The following ZYG11B variants were observed in gnomAD, a reference collection of about 807,000 sequenced individuals.
ZYG11B encodes zyg-11 family member B, cell cycle regulator.
Under a neutral mutation model 82.4 loss-of-function variants are expected in ZYG11B, and 36 were observed. The observed-to-expected ratio is 0.44, with a 90% confidence interval of 0.33 to 0.58. The LOEUF (loss-of-function observed/expected upper bound fraction) is 0.58, where lower values mean the gene tolerates loss of function less well. Among genes scored for constraint, ZYG11B ranks in the 20% least tolerant of loss-of-function variants. ZYG11B has a pLI of 0.02. For missense variants in ZYG11B, 552 were observed against 895.6 expected (o/e 0.62, Z 4.90); for synonymous variants, 303 against 312.8 (o/e 0.97, Z 0.33).
At chr1:52,740,927 T>A (rs367638148) in intron 1 of ZYG11B, among the ~76,000 whole-genome samples, 2 of 146,406 alleles carry the variant, frequency 1.4e-5, no homozygotes, top group African/African-American at 2.5e-5. Context: ...CGGGGGAGGG[T>A]AAGGGATTAG....
chr1:52,747,072 A>G (rs1422521888), intron 1 of ZYG11B, among the ~76,000 whole-genome samples: 2 of 151,840 alleles, frequency 1.3e-5, no homozygotes, highest in Admixed American at 6.6e-5. Context: ...CATATACAAA[A>G]TGGTATCTAG....
chr1:52,783,805 T>TATATATATAC lies in ZYG11B; in HGVS notation c.1093-1071_1093-1070insTATATATACA, dbSNP rs74185908. Among the ~76,000 whole-genome samples the TATATATATAC allele has an allele frequency of 1.8e-3, 245 of 134,992 alleles. 3 individuals are homozygous for TATATATATAC. Among genetic ancestry groups the TATATATATAC allele is most frequent in the African/African-American group, 4.0e-3 (139 of 35,186 alleles). The allele number at this position is 134,992 out of a possible 152,430, so 88.6% of individuals were successfully genotyped here. Reference sequence around the variant, plus strand: ...GCCCAGCTTTATATATATATATATATACACACACACGTATATGTATACATA... The same window carrying TATATATATAC: ...GCCCAGCTTTATATATATATATATATATATATATACACACACACACGTATATGTATACATA... On this transcript the variant is annotated intron_variant, in intron 4 of 13. Transcript: ENST00000294353.
intron 1 of ZYG11B, among the ~76,000 whole-genome samples, chr1:52,739,632 G>GT (rs59228971): frequency 0.044 from 6,658 of 150,188 alleles, 363 homozygotes; most frequent in African/African-American, 0.12. Flanking sequence ...ATTTTAATTT[G>GT]TTTTTTTTTG....
At chr1:52,810,192 A>G (rs76586538) in intron 10 of ZYG11B, among the ~76,000 whole-genome samples, 3,814 of 152,118 alleles carry the variant, frequency 0.025, 167 homozygotes, top group African/African-American at 0.087. Context: ...CTTCCTGAGG[A>G]CTCTACCCAG....
At chr1:52,729,948 C>G (rs756041642) in intron 1 of ZYG11B, among the ~76,000 whole-genome samples, 1 of 152,024 alleles carries the variant, frequency 6.6e-6, no homozygotes, top group Non-Finnish European at 1.5e-5. Context: ...GCTGGGACCA[C>G]AGGTGCCCAT....
intron 8 of ZYG11B, among the ~76,000 whole-genome samples, chr1:52,800,294 A>G (rs1250593401): frequency 6.6e-6 from 1 of 151,980 alleles, no homozygotes; most frequent in African/African-American, 2.4e-5. Flanking sequence ...AAAAAGAAAA[A>G]TGATTAACTG....
At chr1:52,783,704 C>G (rs1446964458) in intron 4 of ZYG11B, among the ~76,000 whole-genome samples, 2 of 149,732 alleles carry the variant, frequency 1.3e-5, no homozygotes, top group African/African-American at 4.9e-5. Flanking sequence ...TCACTACAGG[C>G]TCTGCCTCCC....
At chr1:52,778,739 G>A (rs12035135) in intron 3 of ZYG11B, among the ~76,000 whole-genome samples, 3 of 152,040 alleles carry the variant, frequency 2.0e-5, no homozygotes, top group Non-Finnish European at 4.4e-5. Flanking sequence ...TTTGGTTGCC[G>A]AATGGCACCT....
intron 13 of ZYG11B, among the ~76,000 whole-genome samples, chr1:52,818,069 C>T (rs996974551): frequency 1.3e-5 from 2 of 151,086 alleles, no homozygotes; most frequent in Non-Finnish European, 3.0e-5. Context: ...AACCCCTGAC[C>T]TCAGGTGATC....
chr1:52,797,458 ATG>A (rs1491266508), intron 8 of ZYG11B, among the ~76,000 whole-genome samples: 1 of 102,902 alleles, frequency 9.7e-6, no homozygotes, highest in East Asian at 2.8e-4. Flanking sequence ...TATATCATAT[ATG>A]ATATATATAT....
chr1:52,779,987 T>A lies in ZYG11B; in HGVS notation c.1086T>A (p.Ile362=), dbSNP rs749768518. The change falls in exon 4 of 14, where the codon ATT becomes ATA. Residue 362 remains isoleucine, a synonymous_variant. Coordinates refer to ENST00000294353, the MANE Select transcript of ZYG11B (RefSeq NM_024646.3). ...TGATGGAAAAAACAAAGCCAGAAAT[T>A]TTAAAGGTAAGAATAAGAAACTGGA... ...THVMEKTKPE[I]LKLVVTGMRN... is the part of the protein sequence containing the mutation. 2.0e-5 allele frequency: 33 copies of A among 1,613,174 alleles called. No homozygotes were observed. Among genetic ancestry groups the A allele is most frequent in the Non-Finnish European group, 2.5e-5 (29 of 1,179,816 alleles).
At chr1:52,811,187 T>G (rs1645179897) in intron 10 of ZYG11B, among the ~76,000 whole-genome samples, 1 of 152,230 alleles carries the variant, frequency 6.6e-6, no homozygotes, top group Non-Finnish European at 1.5e-5. Context: ...TTTGCTTTGA[T>G]TTTTTGAATG....
chr1:52,753,136 G>A (rs187798382), intron 1 of ZYG11B, among the ~76,000 whole-genome samples: 15 of 152,228 alleles, frequency 9.9e-5, no homozygotes, highest in Non-Finnish European at 1.8e-4. Context: ...GTGAGCTGCC[G>A]TGCCTGACCT....
chr1:52,797,755 C>T (rs1645039177), intron 8 of ZYG11B, among the ~76,000 whole-genome samples: 1 of 150,702 alleles, frequency 6.6e-6, no homozygotes, highest in Admixed American at 6.6e-5. Context: ...GTGATCCGCC[C>T]ACCTCGGCCT....
chr1:52,780,449 G>C (rs11206016), intron 4 of ZYG11B, among the ~76,000 whole-genome samples: 15,989 of 151,896 alleles, frequency 0.11, 1,883 homozygotes, highest in East Asian at 0.35. Flanking sequence ...AGGAGTTCGA[G>C]ACCAGCCTGA....
intron 1 of ZYG11B, among the ~76,000 whole-genome samples, chr1:52,748,763 G>A (rs1644497020): frequency 6.6e-6 from 1 of 151,988 alleles, no homozygotes; most frequent in Admixed American, 6.6e-5. Flanking sequence ...TTGGGAGTCT[G>A]AGGCAGGAGA....
chr1:52,756,308 T>C, intron 1 of ZYG11B, 150 bp from the exon 2 acceptor site: 1 of 643,858 alleles, frequency 1.6e-6, no homozygotes, highest in Non-Finnish European at 2.6e-6. Context: ...GATCACAGAT[T>C]GTATTCCACT....
chr1:52,803,275 CACACATATATATATATATATAT>C lies in ZYG11B; in HGVS notation c.1695+1150_1695+1171del, dbSNP rs1447606460. ...ATATATATATATATATACACACACA[CACACATATATATATATATATAT>C]ACACATATATATACATATAATCCCA... On this transcript the variant is annotated intron_variant, in intron 10 of 13. Coordinates refer to ENST00000294353, the MANE Select transcript of ZYG11B (RefSeq NM_024646.3). 3.7e-5 allele frequency among the ~76,000 whole-genome samples: 4 copies of C among 108,136 alleles called. 1 individual carries two copies. The highest frequency in any genetic ancestry group is 5.5e-5 in the Non-Finnish European group (3 of 54,246). 70.9% of individuals were successfully genotyped at this position (108,136 alleles called of 152,430 possible).
chr1:52,776,194 GAAC>G (rs913624668), intron 3 of ZYG11B, among the ~76,000 whole-genome samples: 16 of 59,710 alleles, frequency 2.7e-4, no homozygotes, highest in African/African-American at 9.2e-4. Flanking sequence ...TTTCCTGCCT[GAAC>G]AACAAGAGCA....
Sources: allele counts gnomAD v4.1 joint callset (sites outside exome capture counted in the v4.1 genomes callset), GRCh38; gene constraint gnomAD v4.1.1; transcripts MANE v1.5; gene names NCBI Gene and HGNC (gene_info 2026-07-23, HGNC 2026-07-21).